CHD1: variants seen among roughly 807,000 people sequenced by gnomAD.
The protein encoded by CHD1 is chromodomain helicase DNA binding protein 1.
A neutral mutation model predicts 224.2 loss-of-function variants in CHD1; 36 were observed. The observed-to-expected ratio is 0.16, with a 90% CI of 0.12 to 0.21. The LOEUF (loss-of-function observed/expected upper bound fraction) is 0.21, where lower values mean the gene tolerates loss of function less well. Among genes scored for constraint, CHD1 ranks in the 10% least tolerant of loss-of-function variants. CHD1 has a pLI of 1.00. For synonymous variants in CHD1, 668 were observed against 658.3 expected (o/e 1.01, Z -0.23); for missense variants, 1,378 against 1,994.8 (o/e 0.69, Z 5.89).
rs572881781 is a variant in CHD1 at position 98,929,002 on chromosome 5, C to G, written c.-612G>C. ...GCTCACTCCCCTTCCCGACAGAGCG[C>G]GAGGCGGGCGGGCGCGCGCACGCCG... is the stretch of plus-strand genomic sequence containing the variant. On this transcript the variant is annotated 5_prime_UTR_variant, in exon 1 of 36. Transcript: ENST00000614616. 4.6e-5 allele frequency: 7 copies of G among 152,024 alleles called. No individual in the cohort carries two copies. The South Asian group carries it at 1.2e-3, about 27-fold the overall frequency. 9.4% of individuals were successfully genotyped at this position (152,024 alleles called of 1,614,324 possible). A position where few individuals can be genotyped will look rare whatever the true frequency, so the allele number is the denominator to read the frequency against.
intron 32 of CHD1, among the ~76,000 whole-genome samples, chr5:98,861,294 C>T (rs1265850305): frequency 6.6e-6 from 1 of 152,144 alleles, no homozygotes; most frequent in African/African-American, 2.4e-5. Flanking sequence ...AAAGGATCAG[C>T]TAGAATGAGG....
Position 98,896,131 on chromosome 5 carries a change from G to C in CHD1, c.1710+95C>G, listed in dbSNP as rs559328396. 1,494 of 1,033,848 alleles carry C rather than the reference G, an allele frequency of 1.4e-3. 21 individuals carry two copies. The highest frequency in any genetic ancestry group is 2.5e-4 in the Non-Finnish European group (170 of 677,248). The allele number at this position is 1,033,848 out of a possible 1,614,324, so 64.0% of individuals were successfully genotyped here. A position where few individuals can be genotyped will look rare whatever the true frequency, so the allele number is the denominator to read the frequency against. ...GATCATACCACTGCACTCCAGCCTG[G>C]GAGACAGAGTGAAACCCCATCTCAA... On this transcript the variant is annotated intron_variant, in intron 12 of 35. Coordinates refer to ENST00000614616, the MANE Select transcript of CHD1 (RefSeq NM_001270.4).
At chr5:98,868,464 A>G in intron 31 of CHD1, 31 bp downstream of exon 31, 1 of 1,570,982 alleles carries the variant, frequency 6.4e-7, no homozygotes, top group Non-Finnish European at 8.6e-7. Flanking sequence ...TTTATGAGTT[A>G]ATACTAATAA....
chr5:98,910,845 G>A (rs1159886069), intron 2 of CHD1, among the ~76,000 whole-genome samples: 1 of 151,724 alleles, frequency 6.6e-6, no homozygotes, highest in East Asian at 1.9e-4. Context: ...GGATGTACAT[G>A]TTGTTTTCAG....
At chr5:98,876,737 T>C (rs946903459) in intron 23 of CHD1, among the ~76,000 whole-genome samples, 179 bp from the exon 24 acceptor site, 13 of 152,218 alleles carry the variant, frequency 8.5e-5, no homozygotes, top group Non-Finnish European at 1.9e-4. Context: ...GATATTTTGA[T>C]TTAAAAGGTA....
intron 9 of CHD1, 84 bp from the exon 10 acceptor site, chr5:98,898,518 A>G (rs971236774): frequency 1.2e-4 from 158 of 1,317,292 alleles, no homozygotes; most frequent in Non-Finnish European, 1.5e-4. Context: ...TAAAGGCTAC[A>G]CAAGTAAAAT....
Position 98,892,509 on chromosome 5 carries a change from T to C in CHD1, c.2180+16A>G. 1 of 1,594,664 alleles carries C rather than the reference T, an allele frequency of 6.3e-7. No individual in the cohort carries two copies. The highest frequency in any genetic ancestry group is 8.6e-7 in the Non-Finnish European group (1 of 1,166,558). Reference sequence around the variant, plus strand: ...CAGAATTAGAAGTTCAGAACTGTGTTCTGTGTACAGCTTACTTGTAATATT... The same window carrying C: ...CAGAATTAGAAGTTCAGAACTGTGTCCTGTGTACAGCTTACTTGTAATATT... On this transcript the variant is annotated intron_variant, in intron 15 of 35. Coordinates refer to ENST00000614616, the MANE Select transcript of CHD1 (RefSeq NM_001270.4).
intron 26 of CHD1, among the ~76,000 whole-genome samples, chr5:98,872,865 A>G (rs1749461290): frequency 6.6e-6 from 1 of 152,198 alleles, no homozygotes; most frequent in African/African-American, 2.4e-5. Context: ...TCTGTCGCCC[A>G]GGCTGGAAGT....
At chr5:98,909,385 G>C (rs554015346) in intron 2 of CHD1, among the ~76,000 whole-genome samples, 1 of 152,232 alleles carries the variant, frequency 6.6e-6, no homozygotes, top group East Asian at 1.9e-4. Context: ...GTGGTGTTGT[G>C]GACTTCTACC....
chr5:98,912,283 G>A (rs1363106176), intron 2 of CHD1, among the ~76,000 whole-genome samples: 1 of 152,158 alleles, frequency 6.6e-6, no homozygotes, highest in Non-Finnish European at 1.5e-5. Flanking sequence ...TGTATAATGT[G>A]TCAATAAATT....
intron 32 of CHD1, among the ~76,000 whole-genome samples, chr5:98,862,383 G>C (rs963870827): frequency 1.3e-5 from 2 of 152,114 alleles, no homozygotes; most frequent in African/African-American, 4.8e-5. Flanking sequence ...GAAAAGTGAG[G>C]TGAGAGCACA....
chr5:98,860,103 T>C, intron 32 of CHD1, 35 bp from the exon 33 acceptor site: 2 of 1,197,162 alleles, frequency 1.7e-6, no homozygotes, highest in Non-Finnish European at 2.5e-6. Context: ...ATTAAGTTAG[T>C]CTGGTGGAAA....
chr5:98,923,716 A>T (rs760602487), intron 2 of CHD1, among the ~76,000 whole-genome samples: 4 of 152,100 alleles, frequency 2.6e-5, no homozygotes, highest in Non-Finnish European at 4.4e-5. Flanking sequence ...CCCGGCCACA[A>T]GGTTTAATTT....
chr5:98,923,828 C>A (rs761532745), intron 2 of CHD1, among the ~76,000 whole-genome samples: 1 of 152,110 alleles, frequency 6.6e-6, no homozygotes, highest in Non-Finnish European at 1.5e-5. Context: ...TCAGAATATA[C>A]CAGCACATGA....
intron 2 of CHD1, among the ~76,000 whole-genome samples, chr5:98,914,142 G>A (rs1404355304): frequency 2.0e-5 from 3 of 152,126 alleles, no homozygotes; most frequent in Non-Finnish European, 4.4e-5. Context: ...AGAAGTGATG[G>A]TGATGTGTGA....
chr5:98,859,471 G>A (rs1748301662), intron 33 of CHD1, among the ~76,000 whole-genome samples: 2 of 152,190 alleles, frequency 1.3e-5, no homozygotes, highest in South Asian at 4.1e-4. Flanking sequence ...GTCTTCCTCT[G>A]GGACAGCTCC....
intron 35 of CHD1, among the ~76,000 whole-genome samples, 195 bp downstream of exon 35, chr5:98,857,985 T>A (rs527437247): frequency 6.6e-6 from 1 of 152,234 alleles, no homozygotes; most frequent in African/African-American, 2.4e-5. Flanking sequence ...AATTTTATAA[T>A]TCAAAATCCA....
At chr5:98,878,133 C>A (rs1245117904) in intron 23 of CHD1, among the ~76,000 whole-genome samples, 2 of 152,190 alleles carry the variant, frequency 1.3e-5, no homozygotes, top group Non-Finnish European at 2.9e-5. Context: ...CAGGACCTAA[C>A]AGCCAAAACT....
intron 18 of CHD1, chr5:98,883,855 ATATATATTTTTTTT>A (rs1205134005): frequency 2.3e-4 from 8 of 34,372 alleles, no homozygotes; most frequent in African/African-American, 3.7e-4. Context: ...ATATATATAT[ATATATATTTTTTTT>A]TTTTTTTTTT....
Sources: gnomAD v4.1 joint callset for allele counts (sites outside exome capture counted in the v4.1 genomes callset) on GRCh38, gnomAD v4.1.1 for gene constraint, MANE v1.5 for transcripts, NCBI Gene and HGNC (gene_info 2026-07-23, HGNC 2026-07-21) for gene names.